The following CFAP20DC variants were observed in gnomAD, a reference collection of about 807,000 sequenced individuals.
CFAP20DC encodes protein CFAP20DC.
CFAP20DC carries 84 observed loss-of-function variants against 101.7 expected under a neutral mutation model. That is an observed-to-expected ratio of 0.83 (90% CI 0.69 to 0.99). The LOEUF is 0.99. Among genes scored for constraint, CFAP20DC ranks in the 50% least tolerant of loss-of-function variants. CFAP20DC has a pLI of 0.00. For synonymous variants in CFAP20DC, 359 were observed against 351.2 expected (o/e 1.02, Z -0.25); for missense variants, 1,007 against 970.3 (o/e 1.04, Z -0.50).
chr3:58,718,406 G>A (rs540328763), intron 3 of CFAP20DC, among the ~76,000 whole-genome samples: 51 of 152,272 alleles, frequency 3.3e-4, no homozygotes, highest in Non-Finnish European at 5.9e-4. Context: ...ATGTGACCCT[G>A]CAACAGTGGG....
chr3:58,831,411 T>G (rs1426347029), intron 14 of CFAP20DC, among the ~76,000 whole-genome samples: 1 of 152,262 alleles, frequency 6.6e-6, no homozygotes, highest in African/African-American at 2.4e-5. Context: ...ACACCCAGTG[T>G]CTACAGTAAA....
At chr3:58,927,565 C>T (rs1376439220) in intron 5 of CFAP20DC, among the ~76,000 whole-genome samples, 1 of 152,218 alleles carries the variant, frequency 6.6e-6, no homozygotes, top group Admixed American at 6.5e-5. Flanking sequence ...GTTGAGAAAT[C>T]TGACCTTTTT....
At chr3:58,949,486 T>C (rs2089812570) in intron 4 of CFAP20DC, among the ~76,000 whole-genome samples, 1 of 152,158 alleles carries the variant, frequency 6.6e-6, no homozygotes, top group African/African-American at 2.4e-5. Flanking sequence ...ATGTTGTGTC[T>C]TTGTTCTCGT....
At position 58,815,874 on chromosome 3, in the gene CFAP20DC, G is replaced by A. The variant is rs569051483; in HGVS notation, c.2176-9418C>T. On this transcript the variant is annotated intron_variant, in intron 14 of 16. Coordinates refer to ENST00000482387, the MANE Select transcript of CFAP20DC (RefSeq NM_001394063.1). ...GTCAGGAAACAACAGGTGCTGGAGAGGATGTGGAGAAATAGGAACACTTTT... is the reference window on the plus strand; with the variant it reads ...GTCAGGAAACAACAGGTGCTGGAGAAGATGTGGAGAAATAGGAACACTTTT... Among the ~76,000 whole-genome samples the A allele has an allele frequency of 4.5e-3, 670 of 150,160 alleles. 3 individuals carry two copies. The highest frequency in any genetic ancestry group is 0.016 in the African/African-American group (636 of 39,812).
At chr3:58,834,872 A>C (rs1328428475) in intron 13 of CFAP20DC, among the ~76,000 whole-genome samples, 1 of 152,164 alleles carries the variant, frequency 6.6e-6, no homozygotes, top group East Asian at 1.9e-4. Context: ...ATGCACAAAC[A>C]TTTTAAAATA....
intron 5 of CFAP20DC, among the ~76,000 whole-genome samples, chr3:58,927,131 T>C (rs962029967): frequency 1.6e-4 from 25 of 152,216 alleles, no homozygotes; most frequent in African/African-American, 6.0e-4. Context: ...TAAATTATTA[T>C]AACTTAAATA....
intron 12 of CFAP20DC, among the ~76,000 whole-genome samples, chr3:58,850,111 T>C (rs1048088712): frequency 1.3e-5 from 2 of 152,144 alleles, no homozygotes; most frequent in African/African-American, 4.8e-5. Context: ...GTTTAAATTT[T>C]TAAAATCTGA....
chr3:58,808,775 G>A (rs1044278832), intron 14 of CFAP20DC, among the ~76,000 whole-genome samples: 1 of 152,108 alleles, frequency 6.6e-6, no homozygotes, highest in Non-Finnish European at 1.5e-5. Flanking sequence ...CTGGCAAATT[G>A]GATAAAGAGT....
rs2067655892 is a variant in CFAP20DC, at chr3:58,732,035, G to A, written c.198-14407C>T. ...TTGCGAGGATTAAATGAGAAAATAT[G>A]CACATACAGTTCAGTGCGATGCTTG... is the stretch of plus-strand genomic sequence containing the variant. On this transcript the variant is annotated intron_variant, in intron 3 of 3. Transcript: ENST00000486145. The surrounding 1 kb of genome is among the most constrained non-coding windows in gnomAD (Gnocchi z 5.4). 6.6e-6 allele frequency among the ~76,000 whole-genome samples: 1 copy of A among 152,146 alleles called. No individual in the cohort carries two copies. Among genetic ancestry groups the A allele is most frequent in the African/African-American group, 2.4e-5 (1 of 41,432 alleles).
At chr3:58,884,836 T>C in intron 6 of CFAP20DC, 127 bp from the exon 7 acceptor site, 1 of 741,764 alleles carries the variant, frequency 1.3e-6, no homozygotes, top group Non-Finnish European at 2.2e-6. Context: ...TATTCAACCT[T>C]TCAGCCCTGA....
intron 4 of CFAP20DC, among the ~76,000 whole-genome samples, chr3:58,986,581 T>A (rs1451197362): frequency 6.6e-6 from 1 of 152,068 alleles, no homozygotes; most frequent in Non-Finnish European, 1.5e-5. Flanking sequence ...AGGCTTTGGG[T>A]TGGGTTGAGT....
chr3:58,761,499 T>C (rs922223379), intron 15 of CFAP20DC, among the ~76,000 whole-genome samples: 4 of 152,234 alleles, frequency 2.6e-5, no homozygotes, highest in Non-Finnish European at 5.9e-5. Context: ...CCTGGATTCA[T>C]TGATTTTTTT....
At chr3:58,862,725 A>C in intron 12 of CFAP20DC, 1 of 966,924 alleles carries the variant, frequency 1.0e-6, no homozygotes, top group Non-Finnish European at 1.2e-6. Flanking sequence ...AGTTATTTCT[A>C]TAATTTCTAT....
chr3:58,908,067 A>G (rs1219637336), intron 6 of CFAP20DC, among the ~76,000 whole-genome samples: 1 of 152,204 alleles, frequency 6.6e-6, no homozygotes, highest in Non-Finnish European at 1.5e-5. Flanking sequence ...TAATACATCT[A>G]TATTATTTAA....
At chr3:58,801,124 G>A (rs1323923501) in intron 15 of CFAP20DC, among the ~76,000 whole-genome samples, 3 of 151,926 alleles carry the variant, frequency 2.0e-5, no homozygotes, top group Non-Finnish European at 4.4e-5. Context: ...TGAACAGCCA[G>A]ACAGGTCATC....
chr3:58,894,958 G>A lies in CFAP20DC; in HGVS notation c.551-10249C>T, dbSNP rs1178551188. On this transcript the variant is annotated intron_variant, in intron 6 of 16. Transcript: ENST00000482387. This position sits in a 1 kb window ranked among gnomAD's most constrained non-coding sequence, Gnocchi z 4.1. The stretch of plus-strand genomic sequence containing the variant: ...TGCACCCTCTGAAGCCATGGCCTAA[G>A]CTCTATGTTGGCCCCTTGTAGCCAT... Among the ~76,000 whole-genome samples, 1 of 152,230 alleles carries A rather than the reference G, an allele frequency of 6.6e-6. No homozygotes were observed. Among genetic ancestry groups the A allele is most frequent in the Non-Finnish European group, 1.5e-5 (1 of 68,042 alleles).
At chr3:58,980,821 C>T (rs1201869409) in intron 4 of CFAP20DC, among the ~76,000 whole-genome samples, 2 of 152,184 alleles carry the variant, frequency 1.3e-5, no homozygotes, top group African/African-American at 2.4e-5. Flanking sequence ...TCTCTCACCA[C>T]TCCTATTCAA....
intron 13 of CFAP20DC, among the ~76,000 whole-genome samples, chr3:58,838,238 T>C (rs1408299343): frequency 6.6e-6 from 1 of 152,066 alleles, no homozygotes; most frequent in Non-Finnish European, 1.5e-5. Flanking sequence ...AATTTAAGGG[T>C]TGCTATATTG....
intron 3 of CFAP20DC, among the ~76,000 whole-genome samples, chr3:58,719,897 G>A (rs1026997323): frequency 4.6e-5 from 7 of 152,216 alleles, no homozygotes; most frequent in Admixed American, 3.3e-4. Flanking sequence ...GCTTTCCCCT[G>A]TCCTCGGACA....
Sources: gnomAD v4.1 joint callset for allele counts (sites outside exome capture counted in the v4.1 genomes callset) on GRCh38, gnomAD v4.1.1 for gene constraint, Gnocchi (gnomAD v3.1) non-coding constraint, MANE v1.5 for transcripts, NCBI Gene and HGNC (gene_info 2026-07-23, HGNC 2026-07-21) for gene names.